Variants in ARHGEF37 observed in about 807,000 individuals in gnomAD.
The protein encoded by ARHGEF37 is Rho guanine nucleotide exchange factor 37.
In ARHGEF37, 55 loss-of-function variants were observed where a neutral mutation model predicts 71.1. That is an observed-to-expected ratio of 0.77 (90% CI 0.62 to 0.97). ARHGEF37 has a LOEUF of 0.97. ARHGEF37 is among the 50% of genes least tolerant of loss of function. The pLI is 0.00. For missense variants in ARHGEF37, 765 were observed against 836.8 expected (o/e 0.91, Z 1.06); for synonymous variants, 327 against 350.6 (o/e 0.93, Z 0.75).
exon 1 of ARHGEF37, chr5:149,552,007 T>A (rs1431542231): frequency 4.0e-5 from 6 of 151,396 alleles, no homozygotes; most frequent in Non-Finnish European, 7.4e-5. Context: ...TACTACGGAG[T>A]GTTATAGACC....
In ARHGEF37 at chr5:149,627,164, G is replaced by T. The variant is rs78819112; in HGVS notation, c.1553G>T (p.Ser518Ile). Residue 518 changes from serine (S) to isoleucine (I), a missense_variant, in exon 11 of 13, where the codon AGT becomes ATT. Transcript: ENST00000333677. ...CTGTACCAGGTGACAAGCAACATCA[G>T]TGGGACTGGGACTCTGGACCTGACT... is the stretch of plus-strand genomic sequence containing the variant. ...GKLYQVTSNI[S>I]GTGTLDLTLP... 1.3e-3 allele frequency: 2,022 copies of T among 1,614,180 alleles called. 7 individuals carry two copies. The highest frequency in any genetic ancestry group is 9.0e-3 in the East Asian group (405 of 44,882).
At chr5:149,585,913 G>A (rs1763223522) in intron 1 of ARHGEF37, among the ~76,000 whole-genome samples, 2 of 152,314 alleles carry the variant, frequency 1.3e-5, no homozygotes, top group East Asian at 1.9e-4. Context: ...CAAGAGTTGT[G>A]TATGACCATA....
At chr5:149,624,540 G>A (rs540762023) in intron 10 of ARHGEF37, among the ~76,000 whole-genome samples, 4 of 152,306 alleles carry the variant, frequency 2.6e-5, no homozygotes, top group South Asian at 2.1e-4. Context: ...TTGGGAGGCC[G>A]AGGTGGGTGG....
intron 4 of ARHGEF37, among the ~76,000 whole-genome samples, chr5:149,612,642 G>A (rs1465847147): frequency 6.6e-6 from 1 of 152,210 alleles, no homozygotes; most frequent in African/African-American, 2.4e-5. Context: ...CGAGGCCTTT[G>A]TTCAGTTTCT....
intron 1 of ARHGEF37, among the ~76,000 whole-genome samples, chr5:149,553,044 A>T (rs192521554): frequency 6.6e-6 from 1 of 152,238 alleles, no homozygotes; most frequent in African/African-American, 2.4e-5. Context: ...GTTAGACATC[A>T]TTCTCCTTTG....
intron 10 of ARHGEF37, 58 bp downstream of exon 10, chr5:149,624,198 A>T: frequency 6.4e-7 from 1 of 1,552,552 alleles, no homozygotes; most frequent in Non-Finnish European, 8.8e-7. Context: ...CAGTAGGGTG[A>T]GGCTCCATCC....
upstream of ARHGEF37, among the ~76,000 whole-genome samples, chr5:149,579,026 A>G (rs908360556): frequency 2.0e-5 from 3 of 152,174 alleles, no homozygotes; most frequent in Admixed American, 6.6e-5. Context: ...GGTCTCCTTA[A>G]ATTGCCAAGT....
intron 10 of ARHGEF37, among the ~76,000 whole-genome samples, chr5:149,624,476 A>C (rs1752624380): frequency 6.6e-6 from 1 of 152,214 alleles, no homozygotes. Flanking sequence ...TCAAATTGTC[A>C]TCAAAAGGTA....
rs973669764 is a variant in ARHGEF37, at chr5:149,631,874, A to G, written c.1819-108A>G. 3 of 1,113,820 alleles carry G rather than the reference A, an allele frequency of 2.7e-6. No individual in the cohort carries two copies. The African/African-American group carries it at 4.7e-5, about 17-fold the overall frequency. 69.0% of individuals were successfully genotyped at this position (1,113,820 alleles called of 1,614,324 possible). ...CTTGGGAGGTGACGAGCATCCAGCAATGGGGACGAGAGCCAGGTGGATGGG... is the reference window on the plus strand; with the variant it reads ...CTTGGGAGGTGACGAGCATCCAGCAGTGGGGACGAGAGCCAGGTGGATGGG... On this transcript the variant is annotated intron_variant, in intron 12 of 12. Coordinates refer to ENST00000333677, the MANE Select transcript of ARHGEF37 (RefSeq NM_001001669.3).
intron 4 of ARHGEF37, among the ~76,000 whole-genome samples, chr5:149,614,002 A>C (rs1752295312): frequency 6.6e-6 from 1 of 151,258 alleles, no homozygotes; most frequent in Admixed American, 6.6e-5. Flanking sequence ...GGACTCAAGA[A>C]ATCTGCCCAC....
At chr5:149,606,736 G>C (rs1763923463) in intron 3 of ARHGEF37, 1 of 152,080 alleles carries the variant, frequency 6.6e-6, no homozygotes, top group African/African-American at 2.4e-5. Flanking sequence ...TGCTAAAATT[G>C]AGCACCAGTG....
intron 1 of ARHGEF37, among the ~76,000 whole-genome samples, chr5:149,556,220 GTC>G (rs1762753544): frequency 6.6e-6 from 1 of 152,092 alleles, no homozygotes; most frequent in African/African-American, 2.4e-5. Flanking sequence ...TTGAGATGGA[GTC>G]TCACTCTGTC....
chr5:149,627,581 A>G (rs1181474573), intron 11 of ARHGEF37, among the ~76,000 whole-genome samples: 1 of 152,278 alleles, frequency 6.6e-6, no homozygotes, highest in Admixed American at 6.5e-5. Context: ...TGAGGTCAAC[A>G]GGGCTATATG....
intron 4 of ARHGEF37, among the ~76,000 whole-genome samples, chr5:149,614,934 A>G (rs1752332662): frequency 6.6e-6 from 1 of 152,150 alleles, no homozygotes; most frequent in Non-Finnish European, 1.5e-5. Context: ...GCACACTTAG[A>G]TGGCTGAGAT....
chr5:149,601,119 A>C lies in ARHGEF37; in HGVS notation c.198A>C (p.Gly66=), dbSNP rs746659248. 6.2e-7 allele frequency: 1 copy of C among 1,610,928 alleles called. No individual in the cohort carries two copies. The highest frequency in any genetic ancestry group is 8.5e-7 in the Non-Finnish European group (1 of 1,177,618). ...TTTGTTCCTTCCAGTTGCCGCAGGG[A>C]GATCTGGATGTCCTGTTCTCAAACA... ...IRSRLQQLPQ[G]DLDVLFSNID... The change falls in exon 3 of 13, where the codon GGA becomes GGC. Residue 66 remains glycine, a synonymous_variant. Coordinates refer to ENST00000333677, the MANE Select transcript of ARHGEF37 (RefSeq NM_001001669.3).
At chr5:149,626,241 AACACAC>A (rs58263212) in intron 10 of ARHGEF37, among the ~76,000 whole-genome samples, 10,866 of 133,616 alleles carry the variant, frequency 0.081, 577 homozygotes, top group East Asian at 0.25. Flanking sequence ...GAGCATGGTG[AACACAC>A]ACACACACAC....
intron 1 of ARHGEF37, among the ~76,000 whole-genome samples, chr5:149,572,089 A>G (rs1676379382): frequency 6.6e-6 from 1 of 152,168 alleles, no homozygotes; most frequent in Admixed American, 6.5e-5. Context: ...TAATACTGGG[A>G]TAGGAATAGA....
intron 1 of ARHGEF37, among the ~76,000 whole-genome samples, chr5:149,565,736 A>G (rs1444684331): frequency 6.6e-6 from 1 of 150,470 alleles, no homozygotes; most frequent in East Asian, 2.0e-4. Flanking sequence ...AGACTATACT[A>G]CTGATCAGAC....
intron 1 of ARHGEF37, among the ~76,000 whole-genome samples, chr5:149,583,141 C>CTTTG (rs537978572): frequency 6.6e-6 from 1 of 152,006 alleles, no homozygotes; most frequent in African/African-American, 2.4e-5. Context: ...GTTGTTTTTT[C>CTTTG]TTTGTTTGTT....
Sources: gnomAD v4.1 joint callset for allele counts (sites outside exome capture counted in the v4.1 genomes callset) on GRCh38, gnomAD v4.1.1 for gene constraint, MANE v1.5 for transcripts, NCBI Gene and HGNC (gene_info 2026-07-23, HGNC 2026-07-21) for gene names.